CDK8: variants seen among roughly 807,000 people sequenced by gnomAD.
The protein encoded by CDK8 is cyclin dependent kinase 8, also known as cyclin-dependent kinase 8.
A neutral mutation model predicts 71.5 loss-of-function variants in CDK8; 29 were observed. The observed-to-expected ratio is 0.41, with a 90% CI of 0.30 to 0.55. The LOEUF is 0.55. Ranked by LOEUF, CDK8 falls within the 20% of genes least tolerant of loss-of-function variation. The probability of loss-of-function intolerance (pLI) is 0.37; values close to 1 mark genes in which losing one functional copy is unlikely to be tolerated. For synonymous variants in CDK8, 161 were observed against 192.1 expected (o/e 0.84, Z 1.34); for missense variants, 288 against 572.6 (o/e 0.50, Z 5.07).
chr13:26,349,961 A>G (rs1873619291), intron 3 of CDK8, among the ~76,000 whole-genome samples: 1 of 152,168 alleles, frequency 6.6e-6, no homozygotes, highest in Non-Finnish European at 1.5e-5. Context: ...CTATGTTTAC[A>G]TATGTTTAGA....
In CDK8 at chr13:26,404,474, C is replaced by T. The variant is rs1183076234; in HGVS notation, c.*393C>T. 3.6e-5 allele frequency: 9 copies of T among 247,818 alleles called. No individual in the cohort carries two copies. In the South Asian group the frequency reaches 1.2e-3, roughly 33 times the overall value. 15.4% of individuals were successfully genotyped at this position (247,818 alleles called of 1,614,324 possible). A position where few individuals can be genotyped will look rare whatever the true frequency, so the allele number is the denominator to read the frequency against. On this transcript the variant is annotated 3_prime_UTR_variant, in exon 13 of 13. Coordinates refer to ENST00000381527, the MANE Select transcript of CDK8 (RefSeq NM_001260.3). ...ACAACATTATCTGACCAATAGTACA[C>T]ACACAGACACAAAGTTTAACTGGTA...
chr13:26,353,624 A>G (rs1873773247), intron 3 of CDK8, 116 bp from the exon 4 acceptor site: 9 of 819,712 alleles, frequency 1.1e-5, no homozygotes, highest in African/African-American at 1.7e-5. Context: ...ACGAAATTAT[A>G]TTTTCAATAT....
chr13:26,275,799 A>G (rs1286641801), intron 1 of CDK8, among the ~76,000 whole-genome samples: 5 of 152,032 alleles, frequency 3.3e-5, no homozygotes, highest in Non-Finnish European at 7.4e-5. Context: ...TATTCATGTT[A>G]TATATATTAA....
intron 4 of CDK8, among the ~76,000 whole-genome samples, chr13:26,376,361 TTA>T (rs1311871349): frequency 6.6e-6 from 1 of 152,230 alleles, no homozygotes; most frequent in Non-Finnish European, 1.5e-5. Context: ...TTCAGCTTAG[TTA>T]TCTCTTCTTT....
intron 1 of CDK8, among the ~76,000 whole-genome samples, chr13:26,319,912 C>T (rs1418964767): frequency 2.0e-5 from 3 of 152,096 alleles, no homozygotes; most frequent in Non-Finnish European, 4.4e-5. Flanking sequence ...TAGAAATGAA[C>T]TCTTGCATAT....
chr13:26,380,678 A>G (rs963837209), intron 4 of CDK8, among the ~76,000 whole-genome samples: 16 of 152,036 alleles, frequency 1.1e-4, no homozygotes, highest in African/African-American at 3.9e-4. Context: ...GTGGGGTTCT[A>G]CTGTGTTGCC....
At chr13:26,263,347 A>G (rs1409580148) in intron 1 of CDK8, among the ~76,000 whole-genome samples, 3 of 151,960 alleles carry the variant, frequency 2.0e-5, no homozygotes, top group South Asian at 2.1e-4. Flanking sequence ...GTGTTAGCCA[A>G]GATGGTCTCG....
At chr13:26,263,792 C>G (rs932833114) in intron 1 of CDK8, among the ~76,000 whole-genome samples, 6 of 144,054 alleles carry the variant, frequency 4.2e-5, no homozygotes, top group Non-Finnish European at 7.6e-5. Flanking sequence ...TGTCACCCAG[C>G]CTGGAGTGCA....
chr13:26,254,550 T>A lies in CDK8; in HGVS notation c.-92T>A. ...GGCCGGCGGGCGTAGAGCGGGCGGG[T>A]TCCCGGGGGCTGCGGCTGCCCGTGC... On this transcript the variant is annotated 5_prime_UTR_variant, in exon 1 of 13. Coordinates refer to ENST00000381527, the MANE Select transcript of CDK8 (RefSeq NM_001260.3). This position sits in a 1 kb window ranked among gnomAD's most constrained non-coding sequence, Gnocchi z 6.7. 1 of 1,168,250 alleles carries A rather than the reference T, an allele frequency of 8.6e-7. No homozygotes were observed. Among genetic ancestry groups the A allele is most frequent in the Non-Finnish European group, 1.2e-6 (1 of 839,846 alleles). 72.4% of individuals were successfully genotyped at this position (1,168,250 alleles called of 1,614,324 possible).
chr13:26,381,720 C>A (rs553548880), intron 4 of CDK8, among the ~76,000 whole-genome samples: 1 of 151,850 alleles, frequency 6.6e-6, no homozygotes, highest in South Asian at 2.1e-4. Flanking sequence ...AGTTTTTAAC[C>A]TCTGAGATGT....
At chr13:26,359,684 C>A in intron 4 of CDK8, 1 of 407,330 alleles carries the variant, frequency 2.5e-6, no homozygotes, top group Non-Finnish European at 4.9e-6. Context: ...TAGACAACTT[C>A]ACTAACTGCA....
At chr13:26,301,248 C>G (rs924611513) in intron 1 of CDK8, among the ~76,000 whole-genome samples, 7 of 124,174 alleles carry the variant, frequency 5.6e-5, no homozygotes, top group African/African-American at 2.2e-4. Flanking sequence ...TACAGAAAGT[C>G]AAACTTCCTA....
At chr13:26,325,046 CAAG>C (rs1319530815) in intron 1 of CDK8, among the ~76,000 whole-genome samples, 1 of 152,180 alleles carries the variant, frequency 6.6e-6, no homozygotes, top group East Asian at 1.9e-4. Flanking sequence ...GCTAGGTTTA[CAAG>C]AAGGCTTGCA....
intron 1 of CDK8, among the ~76,000 whole-genome samples, chr13:26,292,611 A>C (rs1006811904): frequency 5.7e-4 from 87 of 152,302 alleles, no homozygotes; most frequent in African/African-American, 2.0e-3. Flanking sequence ...GAAGCAGGAA[A>C]ATGTGATATT....
At chr13:26,282,099 T>C (rs565116003) in intron 1 of CDK8, among the ~76,000 whole-genome samples, 1 of 151,976 alleles carries the variant, frequency 6.6e-6, no homozygotes, top group East Asian at 1.9e-4. Context: ...CTATAATTGG[T>C]GGTCCTGAGG....
At chr13:26,339,847 T>A (rs1873164567) in intron 2 of CDK8, among the ~76,000 whole-genome samples, 1 of 150,180 alleles carries the variant, frequency 6.7e-6, no homozygotes, top group Non-Finnish European at 1.5e-5. Flanking sequence ...TTTTTCTACA[T>A]AATTATGTCA....
chr13:26,300,884 A>C (rs947013887), intron 1 of CDK8, among the ~76,000 whole-genome samples: 4 of 152,200 alleles, frequency 2.6e-5, no homozygotes, highest in African/African-American at 9.6e-5. Flanking sequence ...GTAAAGATAA[A>C]ATAATATTTG....
At chr13:26,345,175 T>A (rs1206350063) in intron 2 of CDK8, among the ~76,000 whole-genome samples, 2 of 152,158 alleles carry the variant, frequency 1.3e-5, no homozygotes, top group East Asian at 3.9e-4. Context: ...TCATGCAGCA[T>A]GTGACTGTAC....
intron 1 of CDK8, among the ~76,000 whole-genome samples, chr13:26,292,591 A>C (rs1367622330): frequency 6.6e-6 from 1 of 152,204 alleles, no homozygotes; most frequent in Non-Finnish European, 1.5e-5. Flanking sequence ...GCCCATTAAA[A>C]GTCACACAGG....
Sources: gnomAD v4.1 joint callset for allele counts (sites outside exome capture counted in the v4.1 genomes callset) on GRCh38, gnomAD v4.1.1 for gene constraint, Gnocchi (gnomAD v3.1) non-coding constraint, MANE v1.5 for transcripts, NCBI Gene and HGNC (gene_info 2026-07-23, HGNC 2026-07-21) for gene names.